Variants in RERE observed in about 807,000 individuals in gnomAD.
RERE encodes the protein arginine-glutamic acid dipeptide repeats.
A neutral mutation model predicts 146.1 loss-of-function variants in RERE; 40 were observed. The ratio of observed to expected loss-of-function variants is 0.27; its 90% confidence interval spans 0.21 to 0.36. The LOEUF (loss-of-function observed/expected upper bound fraction) is 0.36. Ranked by LOEUF, RERE falls within the 10% of genes least tolerant of loss-of-function variation. The pLI is 1.00. For missense variants in RERE, 1,933 were observed against 2,138.7 expected (o/e 0.90, Z 1.90); for synonymous variants, 1,003 against 866.0 (o/e 1.16, Z -2.78).
chr1:8,479,028 A>G (rs1644797018), intron 10 of RERE, among the ~76,000 whole-genome samples: 1 of 152,236 alleles, frequency 6.6e-6, no homozygotes, highest in African/African-American at 2.4e-5. Flanking sequence ...CATTACAGAA[A>G]TATCATAGCC....
chr1:8,548,611 CAAGT>C (rs1398217952), intron 6 of RERE, among the ~76,000 whole-genome samples: 1 of 152,068 alleles, frequency 6.6e-6, no homozygotes, highest in Non-Finnish European at 1.5e-5. Flanking sequence ...TAAACAAAAA[CAAGT>C]AAGTATATTT....
chr1:8,646,072 C>A (rs1254884000), intron 2 of RERE, among the ~76,000 whole-genome samples: 1 of 5,634 alleles, frequency 1.8e-4, no homozygotes, highest in Non-Finnish European at 3.5e-4. Flanking sequence ...TGTGAAACAC[C>A]TGAACCTGAG....
intron 1 of RERE, among the ~76,000 whole-genome samples, chr1:8,662,680 AGAGT>A (rs1162983958): frequency 2.6e-5 from 4 of 152,146 alleles, no homozygotes; most frequent in Non-Finnish European, 4.4e-5. Flanking sequence ...CCTAGGGAAC[AGAGT>A]GAGACCCTGT....
At chr1:8,685,980 ATTTT>A (rs3044418) in intron 1 of RERE, among the ~76,000 whole-genome samples, 3 of 144,234 alleles carry the variant, frequency 2.1e-5, no homozygotes, top group Non-Finnish European at 3.0e-5. Flanking sequence ...TCTTTAGGTA[ATTTT>A]TTTTTTTTTT....
intron 15 of RERE, chr1:8,363,810 T>G (rs1641690570): frequency 1.8e-6 from 1 of 563,494 alleles, no homozygotes; most frequent in Non-Finnish European, 3.2e-6. Context: ...GAGCCTGCAC[T>G]GAGCCAGAAG....
chr1:8,812,761 C>T (rs1203417971), intron 1 of RERE, among the ~76,000 whole-genome samples: 2 of 152,162 alleles, frequency 1.3e-5, no homozygotes, highest in Non-Finnish European at 2.9e-5. Flanking sequence ...CACAGTACAT[C>T]TTATATTACT....
chr1:8,633,797 C>T (rs887659949), intron 2 of RERE, among the ~76,000 whole-genome samples: 1 of 151,972 alleles, frequency 6.6e-6, no homozygotes, highest in Non-Finnish European at 1.5e-5. Context: ...GGTGTGATGG[C>T]GTGCACCTGT....
intron 4 of RERE, among the ~76,000 whole-genome samples, chr1:8,569,583 T>C (rs530153817): frequency 6.6e-6 from 1 of 152,218 alleles, no homozygotes; most frequent in Non-Finnish European, 1.5e-5. Flanking sequence ...AAACCGATGA[T>C]GAGCTACCAT....
intron 4 of RERE, among the ~76,000 whole-genome samples, chr1:8,564,822 G>A (rs1212319736): frequency 1.1e-5 from 1 of 94,842 alleles, no homozygotes; most frequent in Non-Finnish European, 2.0e-5. Context: ...GTATGTGTGT[G>A]TATATGTGTA....
chr1:8,524,724 T>G (rs987272046), intron 7 of RERE, among the ~76,000 whole-genome samples: 1 of 152,352 alleles, frequency 6.6e-6, no homozygotes, highest in African/African-American at 2.4e-5. Context: ...CAATTTGTCC[T>G]AAATCTTATT....
rs1641486860 is a variant in RERE at position 8,359,893 on chromosome 1, C to T, written c.3489G>A (p.Arg1163=). ...GCTTGGCCTTCTCAATGGCCTCCTC[C>T]CTCTTCTTGGCCAGCTTGGACCCGG... The part of the protein sequence containing the change: ...PLAGSKLAKK[R]EEAIEKAKRE... Residue 1163 remains arginine (R), a synonymous_variant, in exon 19 of 23, where the codon AGG becomes AGA. Transcript: ENST00000400908. 3 of 1,613,234 alleles carry T rather than the reference C, an allele frequency of 1.9e-6. No homozygotes were observed. The highest frequency in any genetic ancestry group is 2.5e-6 in the Non-Finnish European group (3 of 1,180,046).
At chr1:8,776,163 A>T (rs1280809823) in intron 1 of RERE, among the ~76,000 whole-genome samples, 1 of 152,214 alleles carries the variant, frequency 6.6e-6, no homozygotes, top group Non-Finnish European at 1.5e-5. Context: ...ATAACACAGT[A>T]ATCATTCTTC....
chr1:8,501,467 GC>G (rs1645153727), intron 8 of RERE, among the ~76,000 whole-genome samples: 2 of 54,626 alleles, frequency 3.7e-5, no homozygotes, highest in East Asian at 5.9e-4. Flanking sequence ...GAAGTGAGGA[GC>G]CCCTCTGCCC....
In RERE at chr1:8,411,735, C is replaced by G. The variant is rs543355051; in HGVS notation, c.1284+10992G>C. Among the ~76,000 whole-genome samples, 8 of 152,230 alleles carry G rather than the reference C, an allele frequency of 5.3e-5. No homozygotes were observed. In the South Asian group the frequency reaches 1.7e-3, roughly 32 times the overall value. ...GTTTTAAGCCAGTAAATTACATATACTAAAAGGTTTTGGTTTTTAGAAATT... is the reference window on the plus strand; with the variant it reads ...GTTTTAAGCCAGTAAATTACATATAGTAAAAGGTTTTGGTTTTTAGAAATT... On this transcript the variant is annotated intron_variant, in intron 12 of 22. Coordinates refer to ENST00000400908, the MANE Select transcript of RERE (RefSeq NM_001042681.2).
At chr1:8,700,613 A>C (rs1255729073) in intron 1 of RERE, among the ~76,000 whole-genome samples, 1 of 152,212 alleles carries the variant, frequency 6.6e-6, no homozygotes, top group African/African-American at 2.4e-5. Context: ...TGGGTTGCTC[A>C]AGTCCTTTTG....
At chr1:8,524,054 CT>C (rs1645540465) in intron 7 of RERE, among the ~76,000 whole-genome samples, 1 of 152,174 alleles carries the variant, frequency 6.6e-6, no homozygotes, top group Non-Finnish European at 1.5e-5. Context: ...TCCAGTTCCT[CT>C]CGTCTATTGA....
chr1:8,690,616 T>C (rs1023630099), intron 1 of RERE, among the ~76,000 whole-genome samples: 9 of 152,206 alleles, frequency 5.9e-5, no homozygotes, highest in African/African-American at 2.2e-4. Flanking sequence ...ATGAGGGTAT[T>C]TGGTGGAGAA....
intron 11 of RERE, among the ~76,000 whole-genome samples, chr1:8,453,817 A>T (rs546267368): frequency 1.8e-3 from 272 of 151,142 alleles, no homozygotes; most frequent in African/African-American, 6.3e-3. Flanking sequence ...TCAAAAAAAA[A>T]TTTTTTTTTA....
At chr1:8,362,159 GCA>G (rs1168366831) in intron 16 of RERE, among the ~76,000 whole-genome samples, 1 of 152,204 alleles carries the variant, frequency 6.6e-6, no homozygotes, top group Admixed American at 6.5e-5. Flanking sequence ...TACTGAACGT[GCA>G]CACAATGTTT....
Sources: gnomAD v4.1 joint callset for allele counts (sites outside exome capture counted in the v4.1 genomes callset) on GRCh38, gnomAD v4.1.1 for gene constraint, MANE v1.5 for transcripts, NCBI Gene and HGNC (gene_info 2026-07-23, HGNC 2026-07-21) for gene names.